Variants in SEMA3D observed in about 807,000 individuals in gnomAD.
SEMA3D encodes semaphorin-3D.
A neutral mutation model predicts 100.1 loss-of-function variants in SEMA3D; 84 were observed. The observed-to-expected ratio is 0.84, with a 90% CI of 0.70 to 1.01. SEMA3D has a LOEUF of 1.01. Among genes scored for constraint, SEMA3D ranks in the 50% least tolerant of loss-of-function variants. The pLI is 0.00. For missense variants in SEMA3D, 875 were observed against 934.1 expected, an observed-to-expected ratio of 0.94 and a Z score of 0.82; for synonymous variants, 312 against 320.7, an observed-to-expected ratio of 0.97 and a Z score of 0.29.
chr7:85,177,951 T>A (rs1399326163), intron 1 of SEMA3D, among the ~76,000 whole-genome samples: 2 of 152,146 alleles, frequency 1.3e-5, no homozygotes, highest in African/African-American at 4.8e-5. Context: ...GGTGATTAGG[T>A]CATGAGGGCA....
chr7:85,243,975 C>A, the SEMA3D span, among the ~76,000 whole-genome samples: 1 of 152,270 alleles, frequency 6.6e-6, no homozygotes, highest in African/African-American at 2.4e-5. Context: ...GATCAAGTTA[C>A]AGTATATATC....
the SEMA3D span, among the ~76,000 whole-genome samples, chr7:85,194,368 G>A: frequency 1.8e-4 from 28 of 152,136 alleles, no homozygotes; most frequent in Non-Finnish European, 3.2e-4. Flanking sequence ...TCAAGTTGAG[G>A]AAGTTTGCTC....
intron 2 of SEMA3D, among the ~76,000 whole-genome samples, chr7:85,136,512 G>C (rs1789872196): frequency 6.6e-6 from 1 of 152,000 alleles, no homozygotes; most frequent in Admixed American, 6.6e-5. Flanking sequence ...ATATGGTAAA[G>C]TAACATATTA....
intron 12 of SEMA3D, chr7:85,029,011 G>A: frequency 5.0e-6 from 2 of 400,948 alleles, no homozygotes; most frequent in Non-Finnish European, 5.0e-6. Flanking sequence ...GTTTTTGGAT[G>A]TCACTCCTCT....
chr7:85,161,285 AG>A (rs1409708502), intron 1 of SEMA3D, among the ~76,000 whole-genome samples: 4 of 152,290 alleles, frequency 2.6e-5, no homozygotes, highest in African/African-American at 9.6e-5. Context: ...CATGGCTTAC[AG>A]TGATTCTTTG....
chr7:85,154,705 G>A (rs970693458), intron 1 of SEMA3D, among the ~76,000 whole-genome samples: 3 of 152,084 alleles, frequency 2.0e-5, no homozygotes, highest in Non-Finnish European at 4.4e-5. Context: ...CTTTGTAAAC[G>A]TACCAGAGAG....
intron 14 of SEMA3D, among the ~76,000 whole-genome samples, 188 bp downstream of exon 14, chr7:85,020,045 G>T (rs1439294501): frequency 1.3e-5 from 2 of 151,648 alleles, no homozygotes; most frequent in East Asian, 3.9e-4. Context: ...GTATTCTACA[G>T]AGGAAGGTGA....
At chr7:85,221,407 A>T in the SEMA3D span, among the ~76,000 whole-genome samples, 5 of 151,980 alleles carry the variant, frequency 3.3e-5, no homozygotes, top group African/African-American at 7.2e-5. Flanking sequence ...AAAAGAATAG[A>T]TCAGATACTA....
intron 16 of SEMA3D, among the ~76,000 whole-genome samples, chr7:85,013,128 G>A (rs937200847): frequency 2.6e-5 from 4 of 151,458 alleles, no homozygotes; most frequent in Non-Finnish European, 5.9e-5. Context: ...CAACAAAAAA[G>A]GTTAAATAAA....
intron 3 of SEMA3D, among the ~76,000 whole-genome samples, chr7:85,101,619 T>C (rs960134114): frequency 6.6e-6 from 1 of 151,978 alleles, no homozygotes; most frequent in African/African-American, 2.4e-5. Flanking sequence ...TTATGAATAG[T>C]GTCTGGCACA....
At chr7:85,088,703 A>C (rs1185991300) in intron 4 of SEMA3D, among the ~76,000 whole-genome samples, 1 of 152,180 alleles carries the variant, frequency 6.6e-6, no homozygotes, top group East Asian at 1.9e-4. Context: ...AAATTGTTAC[A>C]GAAGGGAAGT....
At chr7:85,168,870 AAAGAAAGAAAAG>A (rs1791001807) in intron 1 of SEMA3D, among the ~76,000 whole-genome samples, 1 of 145,624 alleles carries the variant, frequency 6.9e-6, no homozygotes, top group Non-Finnish European at 1.5e-5. Flanking sequence ...AGAAAGAAAG[AAAGAAAGAAAAG>A]AAAGAAAGAA....
chr7:85,173,863 C>G (rs1328207411), intron 1 of SEMA3D, among the ~76,000 whole-genome samples: 1 of 152,134 alleles, frequency 6.6e-6, no homozygotes, highest in Non-Finnish European at 1.5e-5. Context: ...GCTTTCACAA[C>G]CCATAGTCTT....
At chr7:85,040,629 A>G in intron 11 of SEMA3D, 44 bp downstream of exon 11, 1 of 946,078 alleles carries the variant, frequency 1.1e-6, no homozygotes. Context: ...GCTTGCATAC[A>G]TATACAATTC....
the SEMA3D span, among the ~76,000 whole-genome samples, chr7:85,222,345 C>G: frequency 6.6e-6 from 1 of 151,608 alleles, no homozygotes; most frequent in African/African-American, 2.4e-5. Flanking sequence ...ATGCAGAAAA[C>G]TAATCATTCC....
the SEMA3D span, among the ~76,000 whole-genome samples, chr7:85,219,984 A>C: frequency 2.6e-5 from 4 of 152,090 alleles, no homozygotes; most frequent in Non-Finnish European, 5.9e-5. Flanking sequence ...TAAATAAGCA[A>C]GGCTTAAATA....
chr7:85,102,559 T>C (rs925729322), intron 3 of SEMA3D, among the ~76,000 whole-genome samples: 2 of 151,956 alleles, frequency 1.3e-5, no homozygotes, highest in Non-Finnish European at 2.9e-5. Context: ...GTTGAAGATT[T>C]TGGTTATTAT....
At position 85,043,703 on chromosome 7, in the gene SEMA3D, C is replaced by T. The variant is rs528501547; in HGVS notation, c.862-1418G>A. Among the ~76,000 whole-genome samples, 37 of 152,070 alleles carry T rather than the reference C, an allele frequency of 2.4e-4. 1 individual carries two copies. The South Asian group carries it at 3.1e-3, about 13-fold the overall frequency. On this transcript the variant is annotated intron_variant, in intron 9 of 18. Transcript: ENST00000284136. Reference sequence around the variant, plus strand: ...AGGCGGGTCTTTCCCATGCTGTTCTCGTGATAGTGAATGGGTCTCACGAGA... The same window carrying T: ...AGGCGGGTCTTTCCCATGCTGTTCTTGTGATAGTGAATGGGTCTCACGAGA...
intron 15 of SEMA3D, 90 bp from the exon 16 acceptor site, chr7:85,015,306 A>T (rs989859572): frequency 8.0e-7 from 1 of 1,248,034 alleles, no homozygotes; most frequent in Non-Finnish European, 1.1e-6. Flanking sequence ...AATACATATA[A>T]ATCTGTTTCT....
Sources: allele counts gnomAD v4.1 joint callset (sites outside exome capture counted in the v4.1 genomes callset), GRCh38; gene constraint gnomAD v4.1.1; transcripts MANE v1.5; gene names NCBI Gene and HGNC (gene_info 2026-07-23, HGNC 2026-07-21).